DLC1: variants seen among roughly 807,000 people sequenced by gnomAD.
DLC1 encodes the protein DLC1 Rho GTPase activating protein.
DLC1 carries 54 observed loss-of-function variants against 140.3 expected under a neutral mutation model. That is an observed-to-expected ratio of 0.38 (90% CI 0.31 to 0.48). The LOEUF (loss-of-function observed/expected upper bound fraction) is 0.48, where lower values mean the gene tolerates loss of function less well. Among genes scored for constraint, DLC1 ranks in the 20% least tolerant of loss-of-function variants. DLC1 has a pLI of 0.96. For synonymous variants in DLC1, 986 were observed against 728.1 expected, an observed-to-expected ratio of 1.35 and a Z score of -5.70; for missense variants, 2,536 against 1,907.0, an observed-to-expected ratio of 1.33 and a Z score of -6.14.
intron 1 of DLC1, among the ~76,000 whole-genome samples, chr8:13,551,912 A>G (rs893257404): frequency 1.5e-5 from 2 of 137,824 alleles, no homozygotes; most frequent in Non-Finnish European, 3.2e-5. Context: ...ATATATATAT[A>G]TGTACCTCTA....
At chr8:13,437,214 T>G (rs1211728803) in intron 2 of DLC1, among the ~76,000 whole-genome samples, 1 of 152,162 alleles carries the variant, frequency 6.6e-6, no homozygotes, top group Non-Finnish European at 1.5e-5. Context: ...AGTTTCCTCT[T>G]GAATGAAAAC....
chr8:13,303,094 CT>C (rs1428357324), intron 5 of DLC1, among the ~76,000 whole-genome samples: 2 of 152,098 alleles, frequency 1.3e-5, no homozygotes, highest in African/African-American at 4.8e-5. Context: ...AAAAAAAATC[CT>C]TTATTTCTTA....
At chr8:13,119,247 A>T (rs952516041) in intron 5 of DLC1, among the ~76,000 whole-genome samples, 1 of 140,536 alleles carries the variant, frequency 7.1e-6, no homozygotes, top group Admixed American at 7.3e-5. Context: ...AAAAAAAAAA[A>T]TAGGTCTAAA....
intron 5 of DLC1, among the ~76,000 whole-genome samples, chr8:13,186,293 C>A (rs936441280): frequency 6.6e-6 from 1 of 152,168 alleles, no homozygotes; most frequent in Non-Finnish European, 1.5e-5. Context: ...ACCAATCAAA[C>A]GCAGATTTGG....
chr8:13,482,422 A>G (rs370369954), intron 2 of DLC1, among the ~76,000 whole-genome samples: 1 of 151,644 alleles, frequency 6.6e-6, no homozygotes, highest in East Asian at 1.9e-4. Flanking sequence ...AAAGATAAAA[A>G]TAGTTGATGA....
intron 5 of DLC1, among the ~76,000 whole-genome samples, chr8:13,132,425 G>A (rs538155114): frequency 2.0e-5 from 3 of 151,896 alleles, no homozygotes; most frequent in Admixed American, 6.6e-5. Context: ...CTTTCAGGCA[G>A]TGATGAAAAA....
intron 7 of DLC1, among the ~76,000 whole-genome samples, chr8:13,105,738 C>T (rs944411617): frequency 2.6e-5 from 4 of 151,868 alleles, no homozygotes; most frequent in African/African-American, 9.7e-5. Flanking sequence ...CCACCAGGCC[C>T]AGCTAATTTT....
intron 5 of DLC1, among the ~76,000 whole-genome samples, chr8:13,225,806 G>A (rs1034816725): frequency 9.2e-5 from 14 of 152,028 alleles, no homozygotes; most frequent in Admixed American, 7.2e-4. Context: ...TAGTAGAGAT[G>A]GGGTTTCACC....
intron 4 of DLC1, among the ~76,000 whole-genome samples, chr8:13,356,965 G>A (rs907134356): frequency 6.6e-6 from 1 of 152,076 alleles, no homozygotes; most frequent in Non-Finnish European, 1.5e-5. Flanking sequence ...CGAGTTCAGA[G>A]AAGCCTTAGG....
At chr8:13,503,967 TCTTC>T (rs1316370473) in intron 1 of DLC1, among the ~76,000 whole-genome samples, 1 of 152,156 alleles carries the variant, frequency 6.6e-6, no homozygotes, top group African/African-American at 2.4e-5. Context: ...ATAGAAGAAA[TCTTC>T]CTTTCTTTCT....
chr8:13,296,996 T>C (rs571144575), intron 5 of DLC1, among the ~76,000 whole-genome samples: 1 of 152,090 alleles, frequency 6.6e-6, no homozygotes, highest in East Asian at 1.9e-4. Flanking sequence ...TAATTAGCAA[T>C]AGCAAAAATA....
At chr8:13,512,591 A>G (rs372250032) in intron 1 of DLC1, among the ~76,000 whole-genome samples, 5 of 152,212 alleles carry the variant, frequency 3.3e-5, no homozygotes, top group African/African-American at 9.6e-5. Context: ...ATATTTAGTG[A>G]AAAGACCCAC....
chr8:13,283,971 C>G (rs138038439), intron 5 of DLC1, among the ~76,000 whole-genome samples: 1 of 152,046 alleles, frequency 6.6e-6, no homozygotes, highest in Non-Finnish European at 1.5e-5. Context: ...CACCAGCATG[C>G]GAAAGAACTC....
chr8:13,181,502 T>A (rs28635909), intron 5 of DLC1, among the ~76,000 whole-genome samples: 34,294 of 131,872 alleles, frequency 0.26, 5,032 homozygotes, highest in African/African-American at 0.38. Flanking sequence ...CCACCCCATG[T>A]CCGGTCCCGG....
intron 2 of DLC1, among the ~76,000 whole-genome samples, chr8:13,452,127 C>A (rs538173203): frequency 4.0e-5 from 6 of 151,388 alleles, no homozygotes; most frequent in East Asian, 1.9e-4. Context: ...TGCAATAAAA[C>A]TAGCAACATT....
chr8:13,115,107 C>T (rs1272840098), intron 6 of DLC1, among the ~76,000 whole-genome samples: 1 of 152,182 alleles, frequency 6.6e-6, no homozygotes, highest in Non-Finnish European at 1.5e-5. Flanking sequence ...TATGAATAAA[C>T]AGTGGTTTCT....
chr8:13,570,425 C>G (rs1411170203), intron 1 of DLC1, among the ~76,000 whole-genome samples: 1 of 145,468 alleles, frequency 6.9e-6, no homozygotes, highest in African/African-American at 2.6e-5. Flanking sequence ...AGGTATATCT[C>G]CCAATGCTAT....
At chr8:13,431,458 G>C (rs1253462922) in intron 2 of DLC1, among the ~76,000 whole-genome samples, 2 of 125,246 alleles carry the variant, frequency 1.6e-5, no homozygotes, top group Non-Finnish European at 3.1e-5. Context: ...ACTCCAGCCT[G>C]GGCCACAGAG....
At chr8:13,382,529 A>AAAGAAAGAAAG (rs1554509369) in intron 4 of DLC1, among the ~76,000 whole-genome samples, 2 of 109,432 alleles carry the variant, frequency 1.8e-5, no homozygotes, top group Admixed American at 1.0e-4. Flanking sequence ...AAAAAAAAAA[A>AAAGAAAGAAAG]AAAGAAAGAG....
Sources: allele counts gnomAD v4.1 joint callset (sites outside exome capture counted in the v4.1 genomes callset), GRCh38; gene constraint gnomAD v4.1.1; transcripts MANE v1.5; gene names NCBI Gene and HGNC (gene_info 2026-07-23, HGNC 2026-07-21).